Variants in PRH1 observed in about 807,000 individuals in gnomAD.
The protein encoded by PRH1 is salivary acidic proline-rich phosphoprotein 1/2.
A neutral mutation model predicts 7.9 loss-of-function variants in PRH1; 7 were observed. That is an observed-to-expected ratio of 0.89 (90% CI 0.50 to 1.67). PRH1 has a LOEUF of 1.67. PRH1 is among the 40% of genes most tolerant of loss of function. The pLI is 0.00. For missense variants in PRH1, 109 were observed against 223.6 expected, an observed-to-expected ratio of 0.49 and a Z score of 3.27; for synonymous variants, 45 against 80.8, an observed-to-expected ratio of 0.56 and a Z score of 2.38.
At chr12:11,071,463 T>C (rs1171872458) in intron 1 of PRH1, among the ~76,000 whole-genome samples, 1 of 151,796 alleles carries the variant, frequency 6.6e-6, no homozygotes, top group Non-Finnish European at 1.5e-5. Context: ...GCCAGTCTCT[T>C]TGCCAGAGCC....
At chr12:10,982,299 C>T (rs1939393486) in intron 1 of PRH1, among the ~76,000 whole-genome samples, 1 of 152,166 alleles carries the variant, frequency 6.6e-6, no homozygotes, top group Non-Finnish European at 1.5e-5. Flanking sequence ...CTCAAAAGTT[C>T]CAGGGGGCGG....
chr12:11,065,224 T>C (rs1047670464), intron 1 of PRH1, among the ~76,000 whole-genome samples: 4 of 152,162 alleles, frequency 2.6e-5, no homozygotes, highest in African/African-American at 9.6e-5. Flanking sequence ...CCCTTTAACA[T>C]AATCTGTCTT....
chr12:10,909,596 ACT>A (rs1949865517), intron 2 of PRH1: 1 of 353,076 alleles, frequency 2.8e-6, no homozygotes, highest in Non-Finnish European at 5.1e-6. Context: ...GCAAAGTTAA[ACT>A]CACATTTGCA....
rs368737285 is a variant in PRH1 at position 10,929,345 on chromosome 12, G to A, written c.-59+44310C>T. ...CTCAGGACTTAGATGAAGGTAAGCC[G>A]AATTGGGGGAAGATATTGTGACTCT... On this transcript the variant is annotated intron_variant, in intron 2 of 3. Coordinates refer to the PRH1 transcript ENST00000539853. 62 of 1,614,128 alleles carry A rather than the reference G, an allele frequency of 3.8e-5. No homozygotes were observed. In the East Asian group the frequency reaches 4.7e-4, roughly 12 times the overall value.
intron 2 of PRH1, chr12:10,908,419 A>G (rs1949837434): frequency 6.2e-7 from 1 of 1,613,090 alleles, no homozygotes; most frequent in African/African-American, 1.3e-5. Flanking sequence ...GCTGCCACCA[A>G]AAGAAAGGCC....
chr12:10,978,778 G>C (rs1276763107), intron 1 of PRH1, among the ~76,000 whole-genome samples: 1 of 143,636 alleles, frequency 7.0e-6, no homozygotes, highest in African/African-American at 2.5e-5. Context: ...CAATTTTCAA[G>C]TGAAGACATA....
intron 2 of PRH1, among the ~76,000 whole-genome samples, chr12:10,952,071 A>G (rs905563498): frequency 1.3e-5 from 2 of 152,204 alleles, no homozygotes; most frequent in African/African-American, 4.8e-5. Flanking sequence ...CTTTATGAAG[A>G]GTTAGTACAC....
rs781684634 is a variant in PRH1 at position 10,882,199 on chromosome 12, A to C, written c.*18+18T>G. 1.2e-6 allele frequency: 2 copies of C among 1,612,732 alleles called. No individual in the cohort carries two copies. The highest frequency in any genetic ancestry group is 1.7e-6 in the Non-Finnish European group (2 of 1,179,670). ...GTAGCAGTTGGAGCCTTTGATGGAT[A>C]ATAAACTGGAATCGTACCTGTCATT... On this transcript the variant is annotated intron_variant, in intron 3 of 3. Transcript: ENST00000543626.
At chr12:11,141,085 T>A (rs1946688774) in intron 1 of PRH1, among the ~76,000 whole-genome samples, 1 of 152,094 alleles carries the variant, frequency 6.6e-6, no homozygotes. Context: ...CCCTCATGAA[T>A]AGGAGGAATT....
At chr12:11,038,678 TCATTTGGAGGACTGATAGA>T (rs1401384567) in intron 1 of PRH1, among the ~76,000 whole-genome samples, 1 of 152,264 alleles carries the variant, frequency 6.6e-6, no homozygotes, top group Non-Finnish European at 1.5e-5. Flanking sequence ...ATTTGTTTAT[TCATTTGGAGGACTGATAGA>T]CATTTGGAGG....
intron 1 of PRH1, among the ~76,000 whole-genome samples, chr12:11,057,336 T>G (rs2708385): frequency 6.7e-6 from 1 of 149,132 alleles, no homozygotes; most frequent in African/African-American, 2.4e-5. Context: ...CTACCTAGAG[T>G]TTTGTCTCAT....
At chr12:10,973,730 A>C (rs769563525) in intron 1 of PRH1, 7 of 779,566 alleles carry the variant, frequency 9.0e-6, no homozygotes, top group Non-Finnish European at 1.7e-5. Context: ...AGCTAGGATA[A>C]GATAAATAAA....
At chr12:11,153,199 A>T (rs1947152043) in intron 1 of PRH1, among the ~76,000 whole-genome samples, 1 of 152,206 alleles carries the variant, frequency 6.6e-6, no homozygotes, top group African/African-American at 2.4e-5. Context: ...CTGACTTATA[A>T]GTGTGCTAGA....
intron 1 of PRH1, among the ~76,000 whole-genome samples, chr12:11,106,319 A>G (rs1431138647): frequency 1.3e-5 from 2 of 152,196 alleles, no homozygotes; most frequent in Non-Finnish European, 2.9e-5. Context: ...TGGATAGAAG[A>G]AATTGTTGTC....
intron 1 of PRH1, among the ~76,000 whole-genome samples, chr12:11,008,436 T>A: frequency 6.6e-6 from 1 of 152,054 alleles, no homozygotes; most frequent in Admixed American, 6.6e-5. Flanking sequence ...CAAGGAACAC[T>A]GCAAACAGCC....
At chr12:11,068,083 A>G (rs552838963) in intron 1 of PRH1, among the ~76,000 whole-genome samples, 22 of 152,088 alleles carry the variant, frequency 1.4e-4, no homozygotes, top group Admixed American at 4.6e-4. Context: ...AAAACCTAAT[A>G]AACAGTAAGA....
At chr12:11,122,733 A>G (rs1457358959) in intron 1 of PRH1, among the ~76,000 whole-genome samples, 1 of 152,300 alleles carries the variant, frequency 6.6e-6, no homozygotes, top group African/African-American at 2.4e-5. Context: ...TCCCTTCAGT[A>G]TATAATGAGC....
chr12:11,171,453 C>T, exon 1 of PRH1: 2 of 1,232,184 alleles, frequency 1.6e-6, no homozygotes, highest in Non-Finnish European at 2.0e-6. Flanking sequence ...GGGGCTCTCC[C>T]GCACCCTGCT....
At chr12:11,069,859 TA>T (rs2136203010) in intron 1 of PRH1, among the ~76,000 whole-genome samples, 1 of 152,324 alleles carries the variant, frequency 6.6e-6, no homozygotes, top group South Asian at 2.1e-4. Flanking sequence ...AAGGGAAGCT[TA>T]AGTCCCCTTG....
Sources: allele counts gnomAD v4.1 joint callset (sites outside exome capture counted in the v4.1 genomes callset), GRCh38; gene constraint gnomAD v4.1.1; transcripts MANE v1.5; gene names NCBI Gene and HGNC (gene_info 2026-07-23, HGNC 2026-07-21).